The following CCNL1 variants were observed in gnomAD, a reference collection of about 807,000 sequenced individuals.
CCNL1 encodes cyclin L1, also known as cyclin-L1.
A neutral mutation model predicts 60.6 loss-of-function variants in CCNL1; 13 were observed. The observed-to-expected ratio is 0.21, with a 90% CI of 0.14 to 0.34. The LOEUF is 0.34. Ranked by LOEUF, CCNL1 falls within the 10% of genes least tolerant of loss-of-function variation. The pLI is 1.00. For synonymous variants in CCNL1, 270 were observed against 244.3 expected, an observed-to-expected ratio of 1.10 and a Z score of -0.98; for missense variants, 481 against 664.3, an observed-to-expected ratio of 0.72 and a Z score of 3.03.
downstream of CCNL1, among the ~76,000 whole-genome samples, chr3:157,145,466 C>CAAAAAAAAAAAAAA (rs1737755942): frequency 8.2e-4 from 73 of 88,958 alleles, 3 homozygotes; most frequent in African/African-American, 3.1e-3. Flanking sequence ...AAAAAAAAAC[C>CAAAAAAAAAAAAAA]AAAACGGGAT....
In CCNL1 at chr3:157,150,987, T is replaced by C. The variant is rs573836210; in HGVS notation, c.675-606A>G. Reference sequence around the variant, plus strand: ...TGACTAGGTAAAAGAGATAAACTATTTCAGTTAAAAAATTGCTGAACTTTT... The same window carrying C: ...TGACTAGGTAAAAGAGATAAACTATCTCAGTTAAAAAATTGCTGAACTTTT... On this transcript the variant is annotated intron_variant, in intron 5 of 10. Coordinates refer to ENST00000295926, the MANE Select transcript of CCNL1 (RefSeq NM_020307.4). 1,120 of 985,250 alleles carry C rather than the reference T, an allele frequency of 1.1e-3. 2 individuals are homozygous for C. Among genetic ancestry groups the C allele is most frequent in the Non-Finnish European group, 1.3e-3 (1,066 of 829,800 alleles). The allele number at this position is 985,250 out of a possible 1,614,324, so 61.0% of individuals were successfully genotyped here. A position where few individuals can be genotyped will look rare whatever the true frequency, so the allele number is the denominator to read the frequency against.
downstream of CCNL1, chr3:157,147,484 C>T (rs1577066384): frequency 6.2e-6 from 4 of 648,140 alleles, no homozygotes; most frequent in Non-Finnish European, 7.6e-6. Flanking sequence ...AATAGGGTAC[C>T]TCATTTCAGA....
chr3:157,149,443 A>G, intron 9 of CCNL1, 42 bp downstream of exon 9: 1 of 1,607,348 alleles, frequency 6.2e-7, no homozygotes, highest in South Asian at 1.1e-5. Context: ...GTAAACACAT[A>G]AAAGATTCCT....
intron 3 of CCNL1, among the ~76,000 whole-genome samples, chr3:157,157,261 C>A (rs1051532876): frequency 6.6e-6 from 1 of 152,136 alleles, no homozygotes; most frequent in African/African-American, 2.4e-5. Context: ...AAGATTGAAA[C>A]AAAATCAGTT....
At chr3:157,143,168 T>G (rs1737697233), downstream of CCNL1, among the ~76,000 whole-genome samples, 1 of 152,214 alleles carries the variant, frequency 6.6e-6, no homozygotes, top group African/African-American at 2.4e-5. Flanking sequence ...AGTCTAGGTT[T>G]TTAATGTAAA....
At chr3:157,156,507 T>C in intron 3 of CCNL1, among the ~76,000 whole-genome samples, 1 of 152,154 alleles carries the variant, frequency 6.6e-6, no homozygotes, top group East Asian at 1.9e-4. Context: ...CCCCTCTAAA[T>C]TTAGCTGTTT....
intron 2 of CCNL1, 155 bp downstream of exon 2, chr3:157,159,250 C>G (rs1413368302): frequency 7.1e-6 from 5 of 707,208 alleles, no homozygotes; most frequent in Non-Finnish European, 1.2e-5. Context: ...TTTTGAACCA[C>G]ATTCTAAAGG....
intron 3 of CCNL1, among the ~76,000 whole-genome samples, chr3:157,157,459 A>G (rs2108136499): frequency 6.6e-6 from 1 of 152,376 alleles, no homozygotes; most frequent in East Asian, 1.9e-4. Flanking sequence ...CAATGGTTCA[A>G]AGAATACTAG....
In CCNL1 at chr3:157,147,555, T is replaced by G; in HGVS notation, c.*686A>C. The G allele has an allele frequency of 9.1e-6, 9 of 984,694 alleles. No homozygotes were observed. The highest frequency in any genetic ancestry group is 1.1e-5 in the Non-Finnish European group (9 of 829,242). 61.0% of individuals were successfully genotyped at this position (984,694 alleles called of 1,614,324 possible). A position where few individuals can be genotyped will look rare whatever the true frequency, so the allele number is the denominator to read the frequency against. ...ACACCATTCAAAAGCAAATCAGGTT[T>G]TTTGGTTTAGTGCTAAAATATAACA... On this transcript the variant is annotated 3_prime_UTR_variant, in exon 11 of 11. Transcript: ENST00000295926.
chr3:157,158,717 C>T, intron 3 of CCNL1, 149 bp downstream of exon 3: 2 of 536,372 alleles, frequency 3.7e-6, no homozygotes, highest in Non-Finnish European at 6.6e-6. Flanking sequence ...TTTTAAGTAT[C>T]AGTGTTCCTA....
chr3:157,149,804 C>G (rs762326360), intron 8 of CCNL1, 32 bp downstream of exon 8: 1 of 1,601,696 alleles, frequency 6.2e-7, no homozygotes. Flanking sequence ...TTTCAGTGCC[C>G]CCAAGTCATT....
intron 3 of CCNL1, chr3:157,154,726 GAC>G (rs1404759332): frequency 1.3e-5 from 2 of 151,998 alleles, no homozygotes. Flanking sequence ...CAAGATAAAA[GAC>G]AGCTGTTACT....
chr3:157,158,265 C>A (rs1321026380), intron 3 of CCNL1, among the ~76,000 whole-genome samples: 1 of 152,234 alleles, frequency 6.6e-6, no homozygotes, highest in Admixed American at 6.5e-5. Flanking sequence ...CTAACCCACT[C>A]ACTGAGACTG....
chr3:157,156,058 T>C (rs906594082), intron 3 of CCNL1, among the ~76,000 whole-genome samples: 2 of 152,208 alleles, frequency 1.3e-5, no homozygotes, highest in Non-Finnish European at 2.9e-5. Flanking sequence ...ATTATGTAAT[T>C]GACATATAAC....
chr3:157,155,549 T>C (rs1738548283), intron 3 of CCNL1, among the ~76,000 whole-genome samples: 1 of 152,216 alleles, frequency 6.6e-6, no homozygotes, highest in African/African-American at 2.4e-5. Flanking sequence ...AAGTTAACTT[T>C]GTGGGTATAT....
rs936132664 is a variant in CCNL1 at position 157,160,085 on chromosome 3, C to G, written c.10G>C (p.Gly4Arg). 13 of 1,550,642 alleles carry G rather than the reference C, an allele frequency of 8.4e-6. No individual in the cohort carries two copies. In the Admixed American group the frequency reaches 2.5e-4, roughly 30 times the overall value. Residue 4 changes from glycine (G) to arginine (R), a missense_variant, in exon 1 of 11, where the codon GGG (glycine) becomes CGG (arginine). Gly to Arg is a moderately radical substitution (Grantham distance 125). Coordinates refer to ENST00000295926, the MANE Select transcript of CCNL1 (RefSeq NM_020307.4). MAS[G>R]PHSTATAAAA... ...GCAGCAGTAGCTGTCGAATGAGGCC[C>G]GGACGCCATAGTCTTAGCGAGCCGC...
intron 10 of CCNL1, 47 bp from the exon 11 acceptor site, chr3:157,148,636 C>T: frequency 1.3e-6 from 2 of 1,491,582 alleles, no homozygotes; most frequent in Non-Finnish European, 9.0e-7. Context: ...CTATGGGGAA[C>T]AGATTATTCC....
chr3:157,151,875 G>C, intron 5 of CCNL1: 1 of 1,226,346 alleles, frequency 8.2e-7, no homozygotes, highest in Non-Finnish European at 1.0e-6. Flanking sequence ...GCCATCCTGA[G>C]GTCATGGGCT....
chr3:157,152,750 T>G, intron 4 of CCNL1: 2 of 1,172,888 alleles, frequency 1.7e-6, no homozygotes, highest in African/African-American at 3.3e-5. Flanking sequence ...GAACTTTACA[T>G]CTCTGTTTTC....
Sources: gnomAD v4.1 joint callset for allele counts (sites outside exome capture counted in the v4.1 genomes callset) on GRCh38, gnomAD v4.1.1 for gene constraint, MANE v1.5 for transcripts, NCBI Gene and HGNC (gene_info 2026-07-23, HGNC 2026-07-21) for gene names.